Variants in RB1CC1 observed in about 807,000 individuals in gnomAD.
RB1CC1 encodes the protein RB1 inducible coiled-coil 1, also known as RB1-inducible coiled-coil protein 1.
A neutral mutation model predicts 177.5 loss-of-function variants in RB1CC1; 46 were observed. The observed-to-expected ratio is 0.26, with a 90% CI of 0.20 to 0.33. RB1CC1 has a LOEUF of 0.33. Among genes scored for constraint, RB1CC1 ranks in the 10% least tolerant of loss-of-function variants. The probability of loss-of-function intolerance (pLI) is 1.00; values close to 1 mark genes in which losing one functional copy is unlikely to be tolerated. For synonymous variants in RB1CC1, 666 were observed against 613.6 expected, an observed-to-expected ratio of 1.09 and a Z score of -1.26; for missense variants, 1,703 against 1,816.3, an observed-to-expected ratio of 0.94 and a Z score of 1.13.
chr8:52,676,615 G>A (rs1484922676), intron 5 of RB1CC1, 44 bp from the exon 6 acceptor site: 3 of 1,541,208 alleles, frequency 1.9e-6, no homozygotes, highest in South Asian at 1.2e-5. Flanking sequence ...GAAGGCAATG[G>A]TTTGTTTGCA....
At chr8:52,635,085 A>G in intron 19 of RB1CC1, 117 bp from the exon 20 acceptor site, 1 of 822,196 alleles carries the variant, frequency 1.2e-6, no homozygotes, top group Non-Finnish European at 1.9e-6. Flanking sequence ...TGAAAAGTTG[A>G]TGGGGATATT....
At chr8:52,698,392 G>A (rs891559286) in intron 1 of RB1CC1, among the ~76,000 whole-genome samples, 1 of 149,726 alleles carries the variant, frequency 6.7e-6, no homozygotes, top group African/African-American at 2.5e-5. Flanking sequence ...GCGCCATCTT[G>A]GCTCACCGGA....
chr8:52,656,300 T>G lies in RB1CC1; in HGVS notation c.3529A>C (p.Ile1177Leu). Residue 1177 changes from isoleucine to leucine, a missense_variant, in exon 15 of 24, where the codon ATT (isoleucine) becomes CTT (leucine). Coordinates refer to ENST00000025008, the MANE Select transcript of RB1CC1 (RefSeq NM_014781.5). ...EIEKNLKEQI[I>L]ELQSKLDSEL... ...GAATCCAATTTACTCTGCAGTTCAATTATTTGTTCTTTTAGGTTTTTTTCT... is the reference window on the plus strand; with the variant it reads ...GAATCCAATTTACTCTGCAGTTCAAGTATTTGTTCTTTTAGGTTTTTTTCT... The G allele has an allele frequency of 6.2e-7, 1 of 1,613,244 alleles. No homozygotes were observed. The highest frequency in any genetic ancestry group is 8.5e-7 in the Non-Finnish European group (1 of 1,179,806).
At chr8:52,666,518 CA>C (rs1158339036) in intron 8 of RB1CC1, among the ~76,000 whole-genome samples, 260 of 130,968 alleles carry the variant, frequency 2.0e-3, no homozygotes, top group Admixed American at 2.5e-3. Context: ...AACTTCCTCT[CA>C]AAAAAAAAAA....
chr8:52,688,230 G>A (rs1484429122), intron 1 of RB1CC1, among the ~76,000 whole-genome samples: 2 of 152,134 alleles, frequency 1.3e-5, no homozygotes, highest in Non-Finnish European at 2.9e-5. Flanking sequence ...CAACCATAAG[G>A]TCTGACTGCC....
Position 52,656,649 on chromosome 8 carries a change from T to C in RB1CC1, c.3180A>G (p.Leu1060=), listed in dbSNP as rs765583486. 4 of 1,613,942 alleles carry C rather than the reference T, an allele frequency of 2.5e-6. No homozygotes were observed. The South Asian group carries it at 3.3e-5, about 13-fold the overall frequency. The change falls in exon 15 of 24, where the codon TTA becomes TTG. Residue 1060 remains leucine, a synonymous_variant. Coordinates refer to ENST00000025008, the MANE Select transcript of RB1CC1 (RefSeq NM_014781.5). ...VSDLSDTRCK[L]EVELALKEAE... is the part of the protein sequence containing the mutation. ...CTTCCTTCAACGCAAGTTCAACCTC[T>C]AACTTGCATCTCGTGTCTGACAAAT... is the stretch of plus-strand genomic sequence containing the variant.
chr8:52,690,150 T>A (rs1854692566), intron 1 of RB1CC1, among the ~76,000 whole-genome samples: 1 of 152,178 alleles, frequency 6.6e-6, no homozygotes, highest in South Asian at 2.1e-4. Flanking sequence ...ATCAGATGAC[T>A]GTATTAAATA....
chr8:52,692,706 C>G (rs1854999047), intron 1 of RB1CC1, among the ~76,000 whole-genome samples: 1 of 152,184 alleles, frequency 6.6e-6, no homozygotes, highest in Non-Finnish European at 1.5e-5. Flanking sequence ...TGACTTGGGA[C>G]TTTACTATTC....
At chr8:52,651,201 T>C (rs1274517419) in intron 15 of RB1CC1, among the ~76,000 whole-genome samples, 21 of 152,226 alleles carry the variant, frequency 1.4e-4, no homozygotes, top group Admixed American at 1.3e-3. Context: ...CCAGACTCAA[T>C]ATTGGCTATT....
intron 1 of RB1CC1, among the ~76,000 whole-genome samples, chr8:52,701,808 A>C (rs2150692918): frequency 6.7e-6 from 1 of 149,152 alleles, no homozygotes; most frequent in Non-Finnish European, 1.5e-5. Flanking sequence ...AAAAAAAATC[A>C]CTTTTTTTTT....
chr8:52,660,348 T>A (rs180735858), intron 12 of RB1CC1, among the ~76,000 whole-genome samples: 57 of 152,298 alleles, frequency 3.7e-4, no homozygotes, highest in African/African-American at 1.3e-3. Flanking sequence ...GTGAATCTAT[T>A]TCTACCAATC....
At chr8:52,710,130 G>A (rs925949077) in intron 1 of RB1CC1, among the ~76,000 whole-genome samples, 2 of 152,162 alleles carry the variant, frequency 1.3e-5, no homozygotes, top group Admixed American at 6.5e-5. Context: ...AGGTTGCCCA[G>A]GGACTGAAAA....
intron 3 of RB1CC1, among the ~76,000 whole-genome samples, chr8:52,685,029 A>G (rs1381015759): frequency 7.0e-6 from 1 of 143,670 alleles, no homozygotes; most frequent in Non-Finnish European, 1.5e-5. Flanking sequence ...TTGAGACAAG[A>G]GTCCTGCTCA....
rs951604353 is a variant in RB1CC1, at chr8:52,656,508, G to C, written c.3321C>G (p.Leu1107=). 4 of 1,611,230 alleles carry C rather than the reference G, an allele frequency of 2.5e-6. No homozygotes were observed. Among genetic ancestry groups the C allele is most frequent in the Non-Finnish European group, 1.7e-6 (2 of 1,179,660 alleles). ...CATTATTATCCTGAATCTTTTGGTTGAGTTTACTAATTTCTGTTCTCAAAT... is the reference window on the plus strand; with the variant it reads ...CATTATTATCCTGAATCTTTTGGTTCAGTTTACTAATTTCTGTTCTCAAAT... ...TENLRTEISK[L]NQKIQDNNEN... is the part of the protein sequence containing the mutation. Residue 1107 remains leucine (L), a synonymous_variant, in exon 15 of 24, where the codon CTC becomes CTG. Coordinates refer to ENST00000025008, the MANE Select transcript of RB1CC1 (RefSeq NM_014781.5).
At position 52,668,024 on chromosome 8, in the gene RB1CC1, A is replaced by G. The variant is rs774894817; in HGVS notation, c.1170T>C (p.Ala390=). 8 of 1,612,018 alleles carry G rather than the reference A, an allele frequency of 5.0e-6. No individual in the cohort carries two copies. The highest frequency in any genetic ancestry group is 5.9e-6 in the Non-Finnish European group (7 of 1,179,436). The change falls in exon 8 of 24, where the codon GCT becomes GCC. Residue 390 remains alanine (A), a synonymous_variant. Coordinates refer to ENST00000025008, the MANE Select transcript of RB1CC1 (RefSeq NM_014781.5). ...GRLVNEQKEL[A]QGFLANQKRA... ...GAGAAAAGTCTAAAATAGGTACCTG[A>G]GCAAGCTCTTTCTGTTCATTCACCA...
intron 15 of RB1CC1, among the ~76,000 whole-genome samples, chr8:52,652,242 A>G (rs1850659461): frequency 6.6e-6 from 1 of 152,024 alleles, no homozygotes; most frequent in Non-Finnish European, 1.5e-5. Context: ...CGAGGTGGGC[A>G]GATCACAAGG....
chr8:52,684,637 TTATC>T lies in RB1CC1; in HGVS notation c.72-628_72-625del, dbSNP rs1591080543. The stretch of plus-strand genomic sequence containing the variant: ...CTAAATTTGGATGAAAATATTAAAT[TTATC>T]TTTTCTCTCCTTAACAAACAAAATA... On this transcript the variant is annotated intron_variant, in intron 3 of 23. Coordinates refer to ENST00000025008, the MANE Select transcript of RB1CC1 (RefSeq NM_014781.5). 4.6e-5 allele frequency among the ~76,000 whole-genome samples: 7 copies of T among 152,292 alleles called. No individual in the cohort carries two copies. The East Asian group carries it at 1.3e-3, about 29-fold the overall frequency.
rs34153328 is a variant in RB1CC1 at position 52,706,143 on chromosome 8, T to TAAA, written c.-167+7929_-167+7931dup. Among the ~76,000 whole-genome samples the TAAA allele has an allele frequency of 7.4e-5, 11 of 147,698 alleles. No individual in the cohort carries two copies. In the East Asian group the frequency reaches 8.0e-4, roughly 11 times the overall value. On this transcript the variant is annotated intron_variant, in intron 1 of 23. Coordinates refer to ENST00000025008, the MANE Select transcript of RB1CC1 (RefSeq NM_014781.5). The stretch of plus-strand genomic sequence containing the variant: ...TTAGAGGGGAAAAACACATATCCAT[T>TAAA]AAAAAAAAAAGATGACACCCTATAC...
intron 23 of RB1CC1, 106 bp from the exon 24 acceptor site, chr8:52,623,965 A>C: frequency 2.7e-6 from 2 of 744,002 alleles, no homozygotes; most frequent in Non-Finnish European, 4.6e-6. Flanking sequence ...AAAAAAATAA[A>C]TAAACCACAT....
Sources: gnomAD v4.1 joint callset for allele counts (sites outside exome capture counted in the v4.1 genomes callset) on GRCh38, gnomAD v4.1.1 for gene constraint, MANE v1.5 for transcripts, NCBI Gene and HGNC (gene_info 2026-07-23, HGNC 2026-07-21) for gene names.